The following APLF variants were observed in gnomAD, a reference collection of about 807,000 sequenced individuals.
APLF encodes the protein aprataxin and PNK-like factor.
Under a neutral mutation model 55.6 loss-of-function variants are expected in APLF, and 61 were observed. The observed-to-expected ratio is 1.10, with a 90% CI of 0.89 to 1.36. APLF has a LOEUF of 1.36. APLF is among the 40% of genes most tolerant of loss of function. APLF has a pLI of 0.00. For synonymous variants in APLF, 207 were observed against 214.8 expected (o/e 0.96, Z 0.32); for missense variants, 611 against 602.5 (o/e 1.01, Z -0.15).
At chr2:68,518,258 TGAA>T (rs1573207561) in intron 5 of APLF, among the ~76,000 whole-genome samples, 1 of 118,342 alleles carries the variant, frequency 8.5e-6, no homozygotes. Flanking sequence ...TAATATATTA[TGAA>T]TAGATAATAT....
chr2:68,499,711 C>T (rs113379408), intron 2 of APLF, among the ~76,000 whole-genome samples: 3,916 of 152,074 alleles, frequency 0.026, 66 homozygotes, highest in South Asian at 0.043. Flanking sequence ...TGGTGGCGGG[C>T]GCCTGTAGTC....
At chr2:68,496,945 C>G (rs1676567768) in intron 2 of APLF, among the ~76,000 whole-genome samples, 1 of 152,204 alleles carries the variant, frequency 6.6e-6, no homozygotes, top group African/African-American at 2.4e-5. Flanking sequence ...GCCTTCCAAA[C>G]TTTTCTAACT....
intron 1 of APLF, among the ~76,000 whole-genome samples, chr2:68,469,014 G>GTGT (rs759905688): frequency 4.7e-5 from 7 of 147,408 alleles, no homozygotes; most frequent in African/African-American, 1.6e-4. Flanking sequence ...GTGTGTGTGT[G>GTGT]TGTGTGTTGT....
Position 68,518,078 on chromosome 2 carries a change from TATA to T in APLF, c.622+4402_622+4404del, listed in dbSNP as rs1159667384. ...ATTAATATATAATATATCATTAGTA[TATA>T]ATATTAATATATATTAATATATAAT... On this transcript the variant is annotated intron_variant, in intron 5 of 9. Coordinates refer to ENST00000303795, the MANE Select transcript of APLF (RefSeq NM_173545.3). Among the ~76,000 whole-genome samples, 27 of 133,924 alleles carry T rather than the reference TATA, an allele frequency of 2.0e-4. No homozygotes were observed. In the East Asian group the frequency reaches 3.7e-3, roughly 19 times the overall value. 87.9% of individuals were successfully genotyped at this position (133,924 alleles called of 152,430 possible). A position where few individuals can be genotyped will look rare whatever the true frequency, so the allele number is the denominator to read the frequency against.
intron 1 of APLF, among the ~76,000 whole-genome samples, chr2:68,478,715 A>C (rs899906278): frequency 1.3e-5 from 2 of 151,990 alleles, no homozygotes; most frequent in Admixed American, 6.6e-5. Context: ...AAAGTGCCCT[A>C]CTCTGGAAAA....
intron 1 of APLF, among the ~76,000 whole-genome samples, chr2:68,484,825 C>T (rs1254747966): frequency 6.6e-6 from 1 of 151,710 alleles, no homozygotes; most frequent in Non-Finnish European, 1.5e-5. Context: ...GGCAAAATCC[C>T]ATCTCTAAAA....
chr2:68,529,367 G>T lies in APLF; in HGVS notation c.804+3125G>T. The T allele has an allele frequency of 7.7e-7, 1 of 1,301,154 alleles. No homozygotes were observed. 80.6% of individuals were successfully genotyped at this position (1,301,154 alleles called of 1,614,324 possible). On this transcript the variant is annotated intron_variant, in intron 6 of 9. Coordinates refer to ENST00000303795, the MANE Select transcript of APLF (RefSeq NM_173545.3). This position sits in a 1 kb window ranked among gnomAD's most constrained non-coding sequence, Gnocchi z 4.4. ...AGGAGCCGCGGGGTGAGCCCGGCCA[G>T]CTGGGAAGGCCTCACGGACAAGACG...
chr2:68,578,797 C>A lies in APLF; in HGVS notation c.*775C>A, dbSNP rs1182970337. 1.0e-6 allele frequency: 1 copy of A among 985,110 alleles called. No homozygotes were observed. The highest frequency in any genetic ancestry group is 1.7e-5 in the African/African-American group (1 of 57,180). 61.0% of individuals were successfully genotyped at this position (985,110 alleles called of 1,614,324 possible). On this transcript the variant is annotated 3_prime_UTR_variant, in exon 10 of 10. Transcript: ENST00000303795. ...AAGAATAGAGAAACGACATAACTTT[C>A]TCAAATGGCATTAGTTTTGCCTTAG...
chr2:68,573,406 C>T lies in APLF; in HGVS notation c.1334-4414C>T, dbSNP rs577751285. On this transcript the variant is annotated intron_variant, in intron 9 of 9. Transcript: ENST00000303795. ...AGTAATTTCCGGCCAGGCACAGTGG[C>T]TCACACCTGTAATCCTAGCACTTTG... is the stretch of plus-strand genomic sequence containing the variant. Among the ~76,000 whole-genome samples the T allele has an allele frequency of 3.3e-5, 5 of 152,300 alleles. No individual in the cohort carries two copies. The East Asian group carries it at 9.6e-4, about 29-fold the overall frequency.
chr2:68,521,994 C>T (rs961689702), intron 5 of APLF, among the ~76,000 whole-genome samples: 4 of 151,742 alleles, frequency 2.6e-5, no homozygotes, highest in Non-Finnish European at 5.9e-5. Flanking sequence ...AGTTTTTGAA[C>T]CTTATATTTT....
At chr2:68,520,896 A>T (rs1053984276) in intron 5 of APLF, among the ~76,000 whole-genome samples, 6 of 151,896 alleles carry the variant, frequency 4.0e-5, no homozygotes, top group South Asian at 2.1e-4. Flanking sequence ...GAATTTGTAG[A>T]TTACTTTTGG....
chr2:68,484,306 A>G (rs1365317710), intron 1 of APLF, among the ~76,000 whole-genome samples: 1 of 152,174 alleles, frequency 6.6e-6, no homozygotes, highest in South Asian at 2.1e-4. Context: ...TTAAAACCAG[A>G]AAGTCAAATA....
intron 8 of APLF, among the ~76,000 whole-genome samples, chr2:68,548,002 G>A (rs1022357606): frequency 6.6e-6 from 1 of 151,846 alleles, no homozygotes; most frequent in Admixed American, 6.6e-5. Flanking sequence ...GGAATCAACT[G>A]TGCCTTTTGT....
intron 8 of APLF, among the ~76,000 whole-genome samples, chr2:68,550,856 G>T (rs1474637286): frequency 3.9e-5 from 6 of 151,926 alleles, no homozygotes; most frequent in African/African-American, 1.5e-4. Context: ...TTATACCTCT[G>T]TACATTAACT....
rs758476371 is a variant in APLF at position 68,537,904 on chromosome 2, A to G, written c.837A>G (p.Leu279=). 7 of 1,594,176 alleles carry G rather than the reference A, an allele frequency of 4.4e-6. No homozygotes were observed. The highest frequency in any genetic ancestry group is 6.0e-6 in the Non-Finnish European group (7 of 1,172,288). Residue 279 remains leucine (L), a synonymous_variant, in exon 7 of 10, where the codon TTA becomes TTG. Coordinates refer to ENST00000303795, the MANE Select transcript of APLF (RefSeq NM_173545.3). ...CACAATCATTTTCTGCAATCACATT[A>G]AGTAACACAGAGATGAATAATATTA... ...EMPQSFSAIT[L]SNTEMNNIKT...
intron 2 of APLF, among the ~76,000 whole-genome samples, chr2:68,502,304 A>G (rs966860738): frequency 6.6e-6 from 1 of 152,154 alleles, no homozygotes; most frequent in African/African-American, 2.4e-5. Flanking sequence ...AGTAGGAGAA[A>G]ATAAATGGTA....
At chr2:68,526,374 T>C in intron 6 of APLF, 132 bp downstream of exon 6, 1 of 1,430,132 alleles carries the variant, frequency 7.0e-7, no homozygotes. Context: ...ACTAGCCCAA[T>C]TTTTTCAGAC....
At chr2:68,568,153 T>C (rs900051392) in intron 9 of APLF, 11 of 452,462 alleles carry the variant, frequency 2.4e-5, no homozygotes, top group Non-Finnish European at 2.9e-5. Context: ...TCAATCTGTT[T>C]TACCTTCTGT....
chr2:68,489,197 T>A (rs1676279887), intron 1 of APLF, among the ~76,000 whole-genome samples: 1 of 152,224 alleles, frequency 6.6e-6, no homozygotes, highest in Non-Finnish European at 1.5e-5. Flanking sequence ...GTTAAAAAAA[T>A]GAGTACTGAC....
Sources: allele counts gnomAD v4.1 joint callset (sites outside exome capture counted in the v4.1 genomes callset), GRCh38; gene constraint gnomAD v4.1.1; non-coding constraint Gnocchi (gnomAD v3.1); transcripts MANE v1.5; gene names NCBI Gene and HGNC (gene_info 2026-07-23, HGNC 2026-07-21).